The following RNF111 variants were observed in gnomAD, a reference collection of about 807,000 sequenced individuals.
RNF111 encodes the protein ring finger protein 111.
A neutral mutation model predicts 95.1 loss-of-function variants in RNF111; 17 were observed. That is an observed-to-expected ratio of 0.18 (90% CI 0.12 to 0.27). The LOEUF (loss-of-function observed/expected upper bound fraction) is 0.27, where lower values mean the gene tolerates loss of function less well. Among genes scored for constraint, RNF111 ranks in the 10% least tolerant of loss-of-function variants. The pLI is 1.00. For synonymous variants in RNF111, 440 were observed against 414.8 expected, an observed-to-expected ratio of 1.06 and a Z score of -0.74; for missense variants, 1,189 against 1,210.4, an observed-to-expected ratio of 0.98 and a Z score of 0.26.
intron 2 of RNF111, among the ~76,000 whole-genome samples, chr15:59,035,196 C>T (rs1443815454): frequency 1.3e-5 from 2 of 152,144 alleles, no homozygotes; most frequent in African/African-American, 2.4e-5. Context: ...GTCCACCTGG[C>T]CCTGTCCATG....
chr15:59,056,632 T>C (rs567455566), intron 4 of RNF111, among the ~76,000 whole-genome samples: 2 of 152,272 alleles, frequency 1.3e-5, no homozygotes, highest in East Asian at 3.9e-4. Flanking sequence ...CAATCAGCTC[T>C]TCTATGGGCT....
intron 1 of RNF111, among the ~76,000 whole-genome samples, chr15:59,021,673 T>C (rs1321680601): frequency 6.6e-6 from 1 of 152,084 alleles, no homozygotes; most frequent in African/African-American, 2.4e-5. Flanking sequence ...TTTTAGAGAG[T>C]ACTATGGCCA....
At chr15:59,085,535 C>A in intron 9 of RNF111, 124 bp from the exon 10 acceptor site, 1 of 794,226 alleles carries the variant, frequency 1.3e-6, no homozygotes, top group Non-Finnish European at 1.8e-6. Context: ...GCTAAATTAT[C>A]TTTCCTCAGC....
intron 2 of RNF111, among the ~76,000 whole-genome samples, chr15:59,037,813 G>A (rs2041254998): frequency 1.3e-5 from 2 of 152,060 alleles, no homozygotes. Flanking sequence ...TCCAGCCTGG[G>A]CAACAAGAGT....
chr15:59,066,486 T>G (rs1308348877), intron 5 of RNF111, among the ~76,000 whole-genome samples: 5 of 152,162 alleles, frequency 3.3e-5, no homozygotes, highest in African/African-American at 1.2e-4. Flanking sequence ...GGTGCATGCC[T>G]GTAATCCCAG....
At chr15:59,027,388 C>T (rs1050107697) in intron 1 of RNF111, among the ~76,000 whole-genome samples, 7 of 152,070 alleles carry the variant, frequency 4.6e-5, no homozygotes, top group Non-Finnish European at 1.0e-4. Flanking sequence ...TTTTTTTAAA[C>T]CTCTTGACTT....
intron 1 of RNF111, among the ~76,000 whole-genome samples, chr15:59,003,840 A>C (rs185765967): frequency 2.2e-4 from 33 of 152,364 alleles, no homozygotes; most frequent in Non-Finnish European, 3.4e-4. Context: ...TGCCTAGCTC[A>C]TTATAGGCTT....
intron 1 of RNF111, among the ~76,000 whole-genome samples, chr15:58,994,731 G>T (rs970565686): frequency 6.6e-6 from 1 of 151,978 alleles, no homozygotes; most frequent in Non-Finnish European, 1.5e-5. Flanking sequence ...GCCTACTTCA[G>T]CCTCCCAAAG....
chr15:59,082,009 T>A (rs1370092792), intron 8 of RNF111, among the ~76,000 whole-genome samples: 1 of 152,180 alleles, frequency 6.6e-6, no homozygotes, highest in Non-Finnish European at 1.5e-5. Flanking sequence ...TGAACTCCTG[T>A]GCTTAAGTGA....
chr15:59,078,037 T>C (rs542185475), intron 7 of RNF111, among the ~76,000 whole-genome samples: 1 of 152,334 alleles, frequency 6.6e-6, no homozygotes, highest in East Asian at 1.9e-4. Context: ...CAATATGGCA[T>C]AGTAGAGCAC....
chr15:59,061,241 G>T (rs1162958243), intron 5 of RNF111, among the ~76,000 whole-genome samples: 3 of 151,910 alleles, frequency 2.0e-5, no homozygotes, highest in African/African-American at 7.3e-5. Context: ...GTCCTAAATG[G>T]GCCTCTCTTA....
Position 59,081,099 on chromosome 15 carries a change from T to C in RNF111, c.2112T>C (p.Pro704=), listed in dbSNP as rs1434682374. Residue 704 remains proline, a synonymous_variant, in exon 8 of 14, where the codon CCT becomes CCC. Transcript: ENST00000348370. ...TATCTTCTCATGCAACATCTCATCCTGTGGCACCCCCACCACCAACTCACT... is the reference window on the plus strand; with the variant it reads ...TATCTTCTCATGCAACATCTCATCCCGTGGCACCCCCACCACCAACTCACT... The part of the protein sequence containing the change: ...SQISSHATSH[P]VAPPPPTHLA... The C allele has an allele frequency of 6.2e-7, 1 of 1,614,144 alleles. No individual in the cohort carries two copies. The highest frequency in any genetic ancestry group is 2.2e-5 in the East Asian group (1 of 44,880).
chr15:59,023,805 T>C (rs1207363293), intron 1 of RNF111, among the ~76,000 whole-genome samples: 1 of 152,190 alleles, frequency 6.6e-6, no homozygotes, highest in Non-Finnish European at 1.5e-5. Flanking sequence ...CCCTGAATTA[T>C]GTATGCCAAA....
At chr15:59,058,719 A>G in intron 5 of RNF111, 169 bp downstream of exon 5, 1 of 634,048 alleles carries the variant, frequency 1.6e-6, no homozygotes, top group Non-Finnish European at 2.7e-6. Context: ...GGCTGATTTC[A>G]TATTTGAGTT....
intron 2 of RNF111, among the ~76,000 whole-genome samples, chr15:59,035,360 G>T (rs370864376): frequency 1.3e-5 from 2 of 152,214 alleles, no homozygotes; most frequent in South Asian, 2.1e-4. Context: ...ACTCATTTCA[G>T]TATTTACTCA....
rs777881520 is a variant in RNF111, at chr15:59,092,553, A to G, written c.2756A>G (p.Lys919Arg). 1 of 1,612,946 alleles carries G rather than the reference A, an allele frequency of 6.2e-7. No homozygotes were observed. The highest frequency in any genetic ancestry group is 1.7e-5 in the Admixed American group (1 of 59,994). Residue 919 changes from lysine (K) to arginine (R), a missense_variant, in exon 13 of 14, where the codon AAA (lysine) becomes AGA (arginine). Around this residue, in one of 2 missense-constraint regions of RNF111, gnomAD observed 165 missense variants for 284.6 expected, o/e 0.58. Coordinates refer to ENST00000348370, the MANE Select transcript of RNF111 (RefSeq NM_017610.8). ...HKYKKRKLHCKQDGEEGTEED... is the reference protein window; with the variant it reads ...HKYKKRKLHCRQDGEEGTEED... ...TTCTCACAGAGGAAACTGCACTGCA[A>G]ACAAGATGGGGAAGAAGGGACTGAG... is the stretch of plus-strand genomic sequence containing the variant.
At chr15:59,057,566 A>T (rs540322643) in intron 4 of RNF111, among the ~76,000 whole-genome samples, 1 of 152,322 alleles carries the variant, frequency 6.6e-6, no homozygotes, top group East Asian at 1.9e-4. Context: ...CAACCATTTT[A>T]AAATTAGTTC....
chr15:59,030,813 A>G lies in RNF111; in HGVS notation c.-10A>G. 6.4e-7 allele frequency: 1 copy of G among 1,560,190 alleles called. No individual in the cohort carries two copies. Among genetic ancestry groups the G allele is most frequent in the Non-Finnish European group, 8.7e-7 (1 of 1,153,280 alleles). ...TAATTTTGTCTTCTAGGCTTTCCTT[A>G]AAGTTTCCCATGTCTCAATGGACTC... On this transcript the variant is annotated 5_prime_UTR_variant, in exon 2 of 14. Transcript: ENST00000348370.
intron 4 of RNF111, among the ~76,000 whole-genome samples, chr15:59,057,097 T>C (rs1334231282): frequency 1.3e-5 from 2 of 152,144 alleles, no homozygotes; most frequent in Admixed American, 1.3e-4. Flanking sequence ...CTCCCCCAAG[T>C]GATATTTGGC....
Sources: allele counts gnomAD v4.1 joint callset (sites outside exome capture counted in the v4.1 genomes callset), GRCh38; gene constraint gnomAD v4.1.1; regional missense constraint gnomAD v4.1.1; transcripts MANE v1.5; gene names NCBI Gene and HGNC (gene_info 2026-07-23, HGNC 2026-07-21).